ABCA13: variants seen among roughly 807,000 people sequenced by gnomAD.
The protein encoded by ABCA13 is ATP binding cassette subfamily A member 13, also known as ATP-binding cassette sub-family A member 13.
ABCA13 carries 476 observed loss-of-function variants against 478.7 expected under a neutral mutation model. That is an observed-to-expected ratio of 0.99 (90% CI 0.92 to 1.07). The LOEUF (loss-of-function observed/expected upper bound fraction) is 1.07. Ranked by LOEUF, ABCA13 falls within the 50% of genes least tolerant of loss-of-function variation. The pLI is 0.00. For synonymous variants in ABCA13, 2,252 were observed against 2,158.9 expected, an observed-to-expected ratio of 1.04 and a Z score of -1.20; for missense variants, 6,060 against 5,910.6, an observed-to-expected ratio of 1.03 and a Z score of -0.83.
intron 29 of ABCA13, 27 bp from the exon 30 acceptor site, chr7:48,350,616 G>C (rs73323764): frequency 0.029 from 44,005 of 1,543,092 alleles, 1,266 homozygotes; most frequent in African/African-American, 0.14. Context: ...AGAAGTTGAT[G>C]TGTCCTAATC....
At chr7:48,302,105 T>C (rs1450540212) in intron 23 of ABCA13, among the ~76,000 whole-genome samples, 2 of 152,170 alleles carry the variant, frequency 1.3e-5, no homozygotes, top group African/African-American at 2.4e-5. Flanking sequence ...GGAGAGGGCC[T>C]GAAATCAAAC....
chr7:48,524,736 TA>T (rs1832775795), intron 54 of ABCA13, among the ~76,000 whole-genome samples: 2 of 152,328 alleles, frequency 1.3e-5, no homozygotes, highest in African/African-American at 4.8e-5. Flanking sequence ...GTTGAGCAAA[TA>T]TTTTTTTGAA....
intron 40 of ABCA13, among the ~76,000 whole-genome samples, chr7:48,411,120 C>A (rs1320315233): frequency 8.5e-6 from 1 of 117,182 alleles, no homozygotes; most frequent in Non-Finnish European, 1.8e-5. Flanking sequence ...TTTTCTTTCT[C>A]TCCTTTCCTT....
intron 15 of ABCA13, among the ~76,000 whole-genome samples, chr7:48,266,277 C>A (rs1231130881): frequency 6.6e-6 from 1 of 151,582 alleles, no homozygotes; most frequent in Non-Finnish European, 1.5e-5. Flanking sequence ...GTAATCATAA[C>A]CTCATAGAAT....
intron 29 of ABCA13, among the ~76,000 whole-genome samples, chr7:48,343,052 C>G (rs1037886160): frequency 4.6e-5 from 7 of 151,206 alleles, no homozygotes; most frequent in Admixed American, 3.3e-4. Context: ...TGTTTGTGAG[C>G]TTTAATACTT....
intron 48 of ABCA13, among the ~76,000 whole-genome samples, chr7:48,499,132 A>T (rs1245848834): frequency 6.6e-6 from 1 of 152,174 alleles, no homozygotes; most frequent in Non-Finnish European, 1.5e-5. Context: ...TCTATTACTC[A>T]TAGAGTAATA....
At chr7:48,256,458 T>C (rs1324510819) in intron 15 of ABCA13, among the ~76,000 whole-genome samples, 3 of 152,196 alleles carry the variant, frequency 2.0e-5, no homozygotes, top group Non-Finnish European at 4.4e-5. Flanking sequence ...TAATCCATCT[T>C]GAGTTGATTT....
chr7:48,519,908 A>G (rs1001091467), intron 52 of ABCA13, 133 bp from the exon 53 acceptor site: 3 of 859,046 alleles, frequency 3.5e-6, no homozygotes, highest in Non-Finnish European at 5.0e-6. Context: ...CTGTCTGAGA[A>G]TATCAGTGAA....
intron 59 of ABCA13, among the ~76,000 whole-genome samples, chr7:48,634,619 A>G (rs1013521247): frequency 6.6e-6 from 1 of 151,740 alleles, no homozygotes; most frequent in African/African-American, 2.4e-5. Flanking sequence ...TTGTTTTTAT[A>G]TTCTTGATTT....
rs1159229112 is a variant in ABCA13 at position 48,330,481 on chromosome 7, ATCCG to A, written c.10000-4937_10000-4934del. 1.1e-3 allele frequency among the ~76,000 whole-genome samples: 133 copies of A among 119,144 alleles called. 1 individual carries two copies. The highest frequency in any genetic ancestry group is 3.9e-3 in the African/African-American group (126 of 31,936). 78.2% of individuals were successfully genotyped at this position (119,144 alleles called of 152,430 possible). A position where few individuals can be genotyped will look rare whatever the true frequency, so the allele number is the denominator to read the frequency against. On this transcript the variant is annotated intron_variant, in intron 27 of 61. Transcript: ENST00000435803. Reference sequence around the variant, plus strand: ...TATTCATTCATCTGTTTGTCCATCCATCCGTCCATCCATCCATCCATCCATCCAT... The same window carrying A: ...TATTCATTCATCTGTTTGTCCATCCATCCATCCATCCATCCATCCATCCAT...
chr7:48,477,845 C>T (rs1451825285), intron 45 of ABCA13, among the ~76,000 whole-genome samples: 2 of 151,670 alleles, frequency 1.3e-5, no homozygotes, highest in Admixed American at 6.6e-5. Context: ...ACATATGTAA[C>T]AAACCTGCAC....
At chr7:48,250,075 C>G (rs1014018589) in intron 15 of ABCA13, among the ~76,000 whole-genome samples, 3 of 151,798 alleles carry the variant, frequency 2.0e-5, no homozygotes, top group African/African-American at 7.3e-5. Flanking sequence ...TTTGCTGGTA[C>G]AAGTCACAGA....
intron 5 of ABCA13, among the ~76,000 whole-genome samples, chr7:48,222,442 T>C (rs1787506202): frequency 6.6e-6 from 1 of 152,230 alleles, no homozygotes; most frequent in African/African-American, 2.4e-5. Flanking sequence ...TCTGTAATTG[T>C]TCTGAAAATT....
intron 55 of ABCA13, among the ~76,000 whole-genome samples, chr7:48,577,339 C>T (rs546861634): frequency 3.5e-4 from 53 of 151,882 alleles, no homozygotes; most frequent in Non-Finnish European, 5.9e-4. Flanking sequence ...TTGATAAACT[C>T]CTAGTGAGAT....
intron 2 of ABCA13, among the ~76,000 whole-genome samples, chr7:48,197,274 G>C (rs1486873234): frequency 6.6e-6 from 1 of 152,196 alleles, no homozygotes; most frequent in African/African-American, 2.4e-5. Context: ...AAAAGAGAAA[G>C]ACAAGAAGCG....
At chr7:48,329,708 T>C (rs1804913238) in intron 27 of ABCA13, among the ~76,000 whole-genome samples, 2 of 152,078 alleles carry the variant, frequency 1.3e-5, no homozygotes, top group Non-Finnish European at 2.9e-5. Context: ...TATCTGTCCA[T>C]CCAACCATCC....
intron 5 of ABCA13, among the ~76,000 whole-genome samples, chr7:48,221,818 A>T (rs1343344210): frequency 1.3e-5 from 2 of 152,228 alleles, no homozygotes; most frequent in African/African-American, 4.8e-5. Flanking sequence ...GTCGCTAAGA[A>T]TCTTACAAAG....
intron 20 of ABCA13, among the ~76,000 whole-genome samples, chr7:48,294,139 T>C (rs1370011772): frequency 6.6e-6 from 1 of 152,138 alleles, no homozygotes; most frequent in Non-Finnish European, 1.5e-5. Context: ...ACATGATGTT[T>C]TGATAAACAT....
intron 56 of ABCA13, among the ~76,000 whole-genome samples, chr7:48,582,962 G>A (rs796445362): frequency 2.7e-4 from 41 of 152,260 alleles, no homozygotes; most frequent in African/African-American, 9.6e-4. Flanking sequence ...CAAGAGATGA[G>A]GGCTACATAG....
Sources: gnomAD v4.1 joint callset for allele counts (sites outside exome capture counted in the v4.1 genomes callset) on GRCh38, gnomAD v4.1.1 for gene constraint, MANE v1.5 for transcripts, NCBI Gene and HGNC (gene_info 2026-07-23, HGNC 2026-07-21) for gene names.